Variants in VPS13B observed in about 807,000 individuals in gnomAD.
VPS13B encodes intermembrane lipid transfer protein VPS13B.
VPS13B carries 285 observed loss-of-function variants against 426.4 expected under a neutral mutation model. The ratio of observed to expected loss-of-function variants is 0.67; its 90% CI spans 0.61 to 0.74. VPS13B has a LOEUF of 0.74. Among genes scored for constraint, VPS13B ranks in the 30% least tolerant of loss-of-function variants. The probability of loss-of-function intolerance (pLI) is 0.00; values close to 1 mark genes in which losing one functional copy is unlikely to be tolerated. For missense variants in VPS13B, 4,537 were observed against 4,782.6 expected, an observed-to-expected ratio of 0.95 and a Z score of 1.51; for synonymous variants, 1,676 against 1,676.4, an observed-to-expected ratio of 1.00 and a Z score of 0.01.
At chr8:99,275,750 T>G (rs1191156574) in intron 19 of VPS13B, among the ~76,000 whole-genome samples, 1 of 152,168 alleles carries the variant, frequency 6.6e-6, no homozygotes, top group East Asian at 1.9e-4. Context: ...GATTTCATTT[T>G]ATTCAACACT....
At chr8:99,496,770 C>T (rs1180699869) in intron 25 of VPS13B, among the ~76,000 whole-genome samples, 1 of 152,072 alleles carries the variant, frequency 6.6e-6, no homozygotes, top group Non-Finnish European at 1.5e-5. Context: ...CTTTCATAAC[C>T]TGTATGTCTT....
chr8:99,267,171 A>T (rs979718151), intron 17 of VPS13B, among the ~76,000 whole-genome samples: 1 of 152,196 alleles, frequency 6.6e-6, no homozygotes, highest in Non-Finnish European at 1.5e-5. Flanking sequence ...TAAAATGCTG[A>T]CAGTGATATG....
chr8:99,583,329 C>G (rs1826164397), intron 33 of VPS13B, among the ~76,000 whole-genome samples: 1 of 152,054 alleles, frequency 6.6e-6, no homozygotes, highest in South Asian at 2.1e-4. Context: ...TATCTTTATT[C>G]TTTCATTCTA....
chr8:99,871,288 G>C, intron 60 of VPS13B, 160 bp from the exon 61 acceptor site: 2 of 1,133,278 alleles, frequency 1.8e-6, no homozygotes, highest in Non-Finnish European at 2.6e-6. Context: ...ATCAGAATCA[G>C]TCTGAGAACT....
chr8:99,592,898 T>G (rs1219667485), intron 33 of VPS13B, among the ~76,000 whole-genome samples: 1 of 152,044 alleles, frequency 6.6e-6, no homozygotes, highest in Admixed American at 6.6e-5. Context: ...CCTTACACCA[T>G]ATGCAAAAGT....
intron 39 of VPS13B, among the ~76,000 whole-genome samples, chr8:99,750,824 T>C (rs969839836): frequency 7.4e-4 from 113 of 152,116 alleles, no homozygotes; most frequent in African/African-American, 2.6e-3. Flanking sequence ...ATTTGGATGA[T>C]TGGGGAGGGC....
In VPS13B at chr8:99,741,737, C is replaced by T. The variant is rs7841041; in HGVS notation, c.7050+20690C>T. On this transcript the variant is annotated intron_variant, in intron 39 of 61. Transcript: ENST00000357162. ...TCCTGAATGACTACTGGGTACATAA[C>T]GAAATGAAGGCAGAAATAAAGATGT... Among the ~76,000 whole-genome samples, 8 of 152,148 alleles carry T rather than the reference C, an allele frequency of 5.3e-5. No homozygotes were observed. The East Asian group carries it at 9.6e-4, about 18-fold the overall frequency.
intron 39 of VPS13B, among the ~76,000 whole-genome samples, chr8:99,745,453 TA>T (rs1810033217): frequency 6.6e-6 from 1 of 152,114 alleles, no homozygotes; most frequent in Non-Finnish European, 1.5e-5. Flanking sequence ...TACAGTACAA[TA>T]AGATATTTTG....
intron 37 of VPS13B, 109 bp from the exon 38 acceptor site, chr8:99,720,236 A>T: frequency 2.2e-6 from 2 of 890,528 alleles, no homozygotes; most frequent in Non-Finnish European, 3.5e-6. Flanking sequence ...ATAAGTAATT[A>T]AATTGAACAT....
chr8:99,485,060 T>G (rs1031690285), intron 25 of VPS13B, among the ~76,000 whole-genome samples: 1 of 152,202 alleles, frequency 6.6e-6, no homozygotes, highest in African/African-American at 2.4e-5. Context: ...GGAACAACAC[T>G]AGGATTTACT....
intron 19 of VPS13B, among the ~76,000 whole-genome samples, chr8:99,317,736 T>G (rs1809752090): frequency 6.6e-6 from 1 of 152,064 alleles, no homozygotes; most frequent in Admixed American, 6.5e-5. Flanking sequence ...CTAGAGAACC[T>G]GAACCATTCA....
intron 35 of VPS13B, among the ~76,000 whole-genome samples, chr8:99,668,678 T>C (rs1588607487): frequency 6.6e-6 from 1 of 152,036 alleles, no homozygotes; most frequent in South Asian, 2.1e-4. Context: ...CCCCACCTTT[T>C]CCCCTTGTAC....
intron 33 of VPS13B, among the ~76,000 whole-genome samples, chr8:99,609,140 A>T (rs573362499): frequency 6.6e-6 from 1 of 152,318 alleles, no homozygotes; most frequent in South Asian, 2.1e-4. Context: ...TTATTCTGTT[A>T]TGTTATAGTT....
chr8:99,625,952 G>C (rs141348733), intron 33 of VPS13B, among the ~76,000 whole-genome samples: 2 of 152,302 alleles, frequency 1.3e-5, no homozygotes, highest in Admixed American at 1.3e-4. Context: ...GAATGAAAGA[G>C]GTGACAGTAA....
chr8:99,642,425 C>A lies in VPS13B; in HGVS notation c.5835C>A (p.His1945Gln). Reference protein sequence around the residue: ...SQPSLLLSCHHRKQRVEVSIF... With the variant: ...SQPSLLLSCHQRKQRVEVSIF... ...CTTCCTTGCTTCTGAGTTGTCACCACAGAAAGCAGCGAGTGGAAGTATCCA... is the reference window on the plus strand; with the variant it reads ...CTTCCTTGCTTCTGAGTTGTCACCAAAGAAAGCAGCGAGTGGAAGTATCCA... The change falls in exon 34 of 62, where the codon CAC becomes CAA. Residue 1945 changes from histidine to glutamine, a missense_variant. Physicochemically the swap from His to Gln is conservative, Grantham distance 24. Around this residue, in one of 2 missense-constraint regions of VPS13B, gnomAD observed 4,311 missense variants for 4,474.3 expected, o/e 0.96. Coordinates refer to ENST00000357162, the MANE Select transcript of VPS13B (RefSeq NM_152564.5). 1.2e-6 allele frequency: 2 copies of A among 1,614,092 alleles called. No individual in the cohort carries two copies. The highest frequency in any genetic ancestry group is 1.7e-6 in the Non-Finnish European group (2 of 1,180,004).
intron 34 of VPS13B, among the ~76,000 whole-genome samples, chr8:99,660,274 A>T (rs568695710): frequency 1.1e-4 from 16 of 152,250 alleles, no homozygotes; most frequent in Admixed American, 2.0e-4. Context: ...ATTCCAAGGC[A>T]GAATTTATAT....
chr8:99,394,811 AT>A (rs1263571586), intron 21 of VPS13B, among the ~76,000 whole-genome samples: 1 of 152,220 alleles, frequency 6.6e-6, no homozygotes, highest in Non-Finnish European at 1.5e-5. Context: ...AGTTAAAATA[AT>A]AGAAGCCTTT....
intron 39 of VPS13B, among the ~76,000 whole-genome samples, chr8:99,758,936 G>T (rs1273567227): frequency 6.6e-6 from 1 of 152,056 alleles, no homozygotes; most frequent in Non-Finnish European, 1.5e-5. Flanking sequence ...TTGTCTCAAG[G>T]CCAGGAGGAT....
intron 36 of VPS13B, among the ~76,000 whole-genome samples, chr8:99,706,398 C>T (rs1386620424): frequency 6.6e-6 from 1 of 152,074 alleles, no homozygotes; most frequent in African/African-American, 2.4e-5. Context: ...TTTACACAGC[C>T]CACATGTGTC....
Sources: gnomAD v4.1 joint callset for allele counts (sites outside exome capture counted in the v4.1 genomes callset) on GRCh38, gnomAD v4.1.1 for gene constraint, gnomAD v4.1.1 regional missense constraint, MANE v1.5 for transcripts, NCBI Gene and HGNC (gene_info 2026-07-23, HGNC 2026-07-21) for gene names.